The following HSD17B2 variants were observed in gnomAD, a reference collection of about 807,000 sequenced individuals.
The protein encoded by HSD17B2 is 17-beta-hydroxysteroid dehydrogenase type 2.
Under a neutral mutation model 26.9 loss-of-function variants are expected in HSD17B2, and 32 were observed. The observed-to-expected ratio is 1.19, with a 90% confidence interval of 0.90 to 1.60. The LOEUF is 1.60. Among genes scored for constraint, HSD17B2 ranks in the 40% most tolerant of loss-of-function variants. The pLI is 0.00. For synonymous variants in HSD17B2, 246 were observed against 186.7 expected, an observed-to-expected ratio of 1.32 and a Z score of -2.59; for missense variants, 613 against 468.6, an observed-to-expected ratio of 1.31 and a Z score of -2.85.
intron 4 of HSD17B2, chr16:82,095,627 G>A (rs180957271): frequency 3.3e-5 from 5 of 152,322 alleles, no homozygotes; most frequent in Middle Eastern, 3.4e-3. Context: ...GGTGAAAGTC[G>A]ATTTACTGCA....
chr16:82,089,222 G>C (rs1904614961), intron 3 of HSD17B2, among the ~76,000 whole-genome samples: 1 of 152,178 alleles, frequency 6.6e-6, no homozygotes, highest in South Asian at 2.1e-4. Context: ...ATACCAAAGA[G>C]TACATACCCT....
At chr16:82,037,589 T>C (rs1025982908) in intron 1 of HSD17B2, among the ~76,000 whole-genome samples, 2 of 152,074 alleles carry the variant, frequency 1.3e-5, no homozygotes, top group Non-Finnish European at 2.9e-5. Context: ...ATCTGAAATA[T>C]GAAAAAAAGA....
In HSD17B2 at chr16:82,068,216, G is replaced by T; in HGVS notation, c.312G>T (p.Glu104Asp). 6.2e-7 allele frequency: 1 copy of T among 1,614,164 alleles called. No individual in the cohort carries two copies. Among genetic ancestry groups the T allele is most frequent in the Admixed American group, 1.7e-5 (1 of 60,028 alleles). The change falls in exon 2 of 5, where the codon GAG becomes GAT. Residue 104 changes from glutamate to aspartate, a missense_variant. Coordinates refer to ENST00000199936, the MANE Select transcript of HSD17B2 (RefSeq NM_002153.3). ...ATGCTTTGTGCAAGTATCTGGATGA[G>T]CTGGGCTTCACGGTATTTGCCGGAG... is the stretch of plus-strand genomic sequence containing the variant. Reference protein sequence around the residue: ...LGHALCKYLDELGFTVFAGVL... With the variant: ...LGHALCKYLDDLGFTVFAGVL...
intron 3 of HSD17B2, among the ~76,000 whole-genome samples, chr16:82,073,920 C>T (rs924250703): frequency 6.6e-6 from 1 of 152,134 alleles, no homozygotes; most frequent in Admixed American, 6.5e-5. Flanking sequence ...AAGAACAAAG[C>T]TGGAGGCATC....
At chr16:82,088,888 G>T (rs968488245) in intron 3 of HSD17B2, among the ~76,000 whole-genome samples, 1 of 152,182 alleles carries the variant, frequency 6.6e-6, no homozygotes, top group African/African-American at 2.4e-5. Context: ...AAAAATGGAA[G>T]AGGAATTTAC....
chr16:82,064,075 C>T (rs1018226306), intron 1 of HSD17B2, among the ~76,000 whole-genome samples: 9 of 152,192 alleles, frequency 5.9e-5, no homozygotes, highest in African/African-American at 2.2e-4. Flanking sequence ...TTGCAATTTT[C>T]CAGTATCACA....
intron 1 of HSD17B2, among the ~76,000 whole-genome samples, chr16:82,051,300 G>A (rs1250648857): frequency 6.6e-6 from 1 of 152,224 alleles, no homozygotes; most frequent in Non-Finnish European, 1.5e-5. Context: ...ATGAATGAAT[G>A]CATGAGCAAA....
intron 1 of HSD17B2, among the ~76,000 whole-genome samples, chr16:82,059,917 A>T (rs992967967): frequency 9.2e-5 from 14 of 152,202 alleles, no homozygotes; most frequent in Non-Finnish European, 4.4e-5. Flanking sequence ...ATTTGTTTCC[A>T]TTAAAAAAAA....
chr16:82,070,522 G>A (rs140392443), intron 2 of HSD17B2, among the ~76,000 whole-genome samples: 2 of 152,334 alleles, frequency 1.3e-5, no homozygotes, highest in Admixed American at 6.5e-5. Context: ...GAGCCTCCAC[G>A]TGTTGGGGTC....
chr16:82,090,279 C>T (rs71400196), intron 3 of HSD17B2: 14 of 159,304 alleles, frequency 8.8e-5, no homozygotes, highest in Non-Finnish European at 1.4e-4. Flanking sequence ...GGTAGGTGCT[C>T]TTCATCTTAC....
intron 1 of HSD17B2, among the ~76,000 whole-genome samples, chr16:82,044,079 G>A (rs1027594843): frequency 2.0e-5 from 3 of 152,114 alleles, no homozygotes; most frequent in Admixed American, 6.5e-5. Flanking sequence ...TTTCCAGAAC[G>A]TTCATCATTC....
chr16:82,053,065 A>G (rs550545514), intron 1 of HSD17B2, among the ~76,000 whole-genome samples: 140 of 152,348 alleles, frequency 9.2e-4, no homozygotes, highest in Non-Finnish European at 1.5e-3. Flanking sequence ...TCCACCTCTC[A>G]ATGCCATCAA....
chr16:82,091,973 G>C (rs1904708229), intron 4 of HSD17B2: 1 of 152,206 alleles, frequency 6.6e-6, no homozygotes, highest in African/African-American at 2.4e-5. Flanking sequence ...CTCAATGGTA[G>C]AGTTGTATTT....
intron 1 of HSD17B2, among the ~76,000 whole-genome samples, chr16:82,049,444 AT>A (rs1914038413): frequency 1.3e-5 from 2 of 152,252 alleles, no homozygotes; most frequent in African/African-American, 4.8e-5. Context: ...AGCAAGTCAC[AT>A]GATGGGTGCC....
At chr16:82,089,015 A>G (rs942412448) in intron 3 of HSD17B2, among the ~76,000 whole-genome samples, 2 of 152,150 alleles carry the variant, frequency 1.3e-5, no homozygotes, top group African/African-American at 4.8e-5. Flanking sequence ...TCTCATCATG[A>G]AGGCTCCACC....
intron 1 of HSD17B2, among the ~76,000 whole-genome samples, chr16:82,040,670 T>C (rs775159028): frequency 1.3e-5 from 2 of 152,216 alleles, no homozygotes; most frequent in Non-Finnish European, 2.9e-5. Context: ...TGGCAATTGA[T>C]TGGGTGTAGA....
intron 4 of HSD17B2, 151 bp from the exon 5 acceptor site, chr16:82,097,924 A>G: frequency 1.5e-6 from 1 of 661,102 alleles, no homozygotes. Context: ...AGAGACAGAG[A>G]AAGACTCTGT....
intron 4 of HSD17B2, 115 bp from the exon 5 acceptor site, chr16:82,097,960 A>AAAAAG: frequency 1.1e-6 from 1 of 928,698 alleles, no homozygotes; most frequent in East Asian, 2.9e-5. Flanking sequence ...AAATAAAAAA[A>AAAAAG]TAAATAAATA....
chr16:82,069,990 G>C (rs8191161), intron 2 of HSD17B2, among the ~76,000 whole-genome samples: 3,340 of 152,074 alleles, frequency 0.022, 59 homozygotes, highest in Non-Finnish European at 0.036. Context: ...GTTAGCGCAG[G>C]GCCAAGAAAC....
Sources: allele counts gnomAD v4.1 joint callset (sites outside exome capture counted in the v4.1 genomes callset), GRCh38; gene constraint gnomAD v4.1.1; transcripts MANE v1.5; gene names NCBI Gene and HGNC (gene_info 2026-07-23, HGNC 2026-07-21).